ABCB7: variants seen among roughly 807,000 people sequenced by gnomAD.
The protein encoded by ABCB7 is ATP binding cassette subfamily B member 7.
Under a neutral mutation model 54.4 loss-of-function variants are expected in ABCB7, and 7 were observed. The ratio of observed to expected loss-of-function variants is 0.13; its 90% confidence interval spans 0.07 to 0.24. ABCB7 has a LOEUF of 0.24. Among genes scored for constraint, ABCB7 ranks in the 10% least tolerant of loss-of-function variants. ABCB7 has a pLI of 1.00. For missense variants in ABCB7, 356 were observed against 570.4 expected, an observed-to-expected ratio of 0.62 and a Z score of 3.83; for synonymous variants, 218 against 207.1, an observed-to-expected ratio of 1.05 and a Z score of -0.45.
chrX:75,119,780 G>C (rs910353337), intron 1 of ABCB7, among the ~76,000 whole-genome samples: 2 of 111,583 alleles, frequency 1.8e-5, no homozygotes, highest in Admixed American at 9.6e-5. Context: ...GTTATTAATA[G>C]TTACAATTAT....
Position 75,069,322 on chromosome X carries a change from T to C in ABCB7, c.1498A>G (p.Lys500Glu). 1 of 1,211,678 alleles carries C rather than the reference T, an allele frequency of 8.3e-7. No homozygotes were observed. The highest frequency in any genetic ancestry group is 1.1e-6 in the Non-Finnish European group (1 of 895,503). The change falls in exon 11 of 16, where the codon AAA becomes GAA. Residue 500 changes from lysine (K) to glutamate (E), a missense_variant. Lys to Glu is a moderately conservative substitution (Grantham distance 56). Transcript: ENST00000373394. ...CCACTACCTCCTACAATGGCCACTT[T>C]CTTTCCTGCAGGGACTTCAAAGGAT... The part of the protein sequence containing the change: ...GISFEVPAGK[K>E]VAIVGGSGSG...
At chrX:75,083,729 A>T (rs866908566) in intron 4 of ABCB7, among the ~76,000 whole-genome samples, 51 of 104,198 alleles carry the variant, frequency 4.9e-4, no homozygotes, top group Non-Finnish European at 8.5e-4. Flanking sequence ...TATATATATA[A>T]AATATAAAAA....
intron 1 of ABCB7, among the ~76,000 whole-genome samples, chrX:75,125,316 C>T (rs1257846630): frequency 9.0e-6 from 1 of 111,604 alleles, no homozygotes; most frequent in Non-Finnish European, 1.9e-5. Context: ...TGATATAACA[C>T]AAACCCAACT....
chrX:75,072,959 T>C (rs1482899514), intron 8 of ABCB7, among the ~76,000 whole-genome samples: 4 of 109,602 alleles, frequency 3.6e-5, no homozygotes, highest in African/African-American at 1.0e-4. Flanking sequence ...AACTTTTTTG[T>C]TAAAAACTAA....
chrX:75,106,054 A>G (rs1602376886), intron 3 of ABCB7, among the ~76,000 whole-genome samples: 1 of 112,078 alleles, frequency 8.9e-6, no homozygotes, highest in South Asian at 3.7e-4. Context: ...TGGCCTAGGT[A>G]AAGAATTTAT....
intron 4 of ABCB7, among the ~76,000 whole-genome samples, chrX:75,094,386 G>A (rs1035773861): frequency 4.5e-5 from 5 of 111,274 alleles, no homozygotes; most frequent in African/African-American, 1.6e-4. Flanking sequence ...CTTAAATCCT[G>A]GCATGGTTGT....
At chrX:75,067,885 C>T (rs765733680) in intron 12 of ABCB7, among the ~76,000 whole-genome samples, 7 of 111,136 alleles carry the variant, frequency 6.3e-5, no homozygotes, top group Non-Finnish European at 1.1e-4. Flanking sequence ...CATAGTCCTC[C>T]AAAATCGTAA....
chrX:75,106,648 C>T (rs2081704854), intron 3 of ABCB7, among the ~76,000 whole-genome samples: 1 of 111,786 alleles, frequency 8.9e-6, no homozygotes, highest in Admixed American at 9.5e-5. Context: ...TCCTGGGTAT[C>T]TTCCTAAAGG....
intron 4 of ABCB7, chrX:75,097,659 G>A (rs2081603337): frequency 2.7e-5 from 3 of 111,215 alleles, no homozygotes. Flanking sequence ...GGTAAGAACT[G>A]GGTTCTAAAA....
intron 4 of ABCB7, among the ~76,000 whole-genome samples, chrX:75,091,464 T>TA (rs760170583): frequency 1.8e-5 from 2 of 110,956 alleles, no homozygotes; most frequent in African/African-American, 3.3e-5. Flanking sequence ...CAAACACCTA[T>TA]AAAAAACCTT....
At chrX:75,124,433 A>G (rs1271318037) in intron 1 of ABCB7, among the ~76,000 whole-genome samples, 1 of 112,121 alleles carries the variant, frequency 8.9e-6, no homozygotes, top group Non-Finnish European at 1.9e-5. Context: ...TTCATTTATC[A>G]TAACATTTTT....
chrX:75,088,876 A>G (rs2081522668), intron 4 of ABCB7, among the ~76,000 whole-genome samples: 1 of 106,683 alleles, frequency 9.4e-6, no homozygotes, highest in African/African-American at 3.3e-5. Flanking sequence ...CAACAACAAC[A>G]AAAAAAAAAC....
At position 75,091,291 on chromosome X, in the gene ABCB7, T is replaced by G. The variant is rs2081541881; in HGVS notation, c.453+7651A>C. On this transcript the variant is annotated intron_variant, in intron 4 of 15. Coordinates refer to ENST00000373394, the MANE Select transcript of ABCB7 (RefSeq NM_001271696.3). ...ATTTATTCTGGGTATGGAAAGCTGGTTCAACATTTGAAAATCAGTTAATGT... is the reference window on the plus strand; with the variant it reads ...ATTTATTCTGGGTATGGAAAGCTGGGTCAACATTTGAAAATCAGTTAATGT... Among the ~76,000 whole-genome samples the G allele has an allele frequency of 3.6e-5, 4 of 111,075 alleles. No homozygotes were observed. In the Admixed American group the frequency reaches 3.8e-4, roughly 11 times the overall value.
intron 1 of ABCB7, among the ~76,000 whole-genome samples, chrX:75,138,446 T>C (rs754318713): frequency 5.2e-4 from 58 of 112,235 alleles, no homozygotes; most frequent in Non-Finnish European, 9.2e-4. Flanking sequence ...TAAAATTTTT[T>C]TCTTTTTAAT....
At chrX:75,145,844 T>C (rs1467946460) in intron 1 of ABCB7, among the ~76,000 whole-genome samples, 1 of 111,516 alleles carries the variant, frequency 9.0e-6, no homozygotes, top group Non-Finnish European at 1.9e-5. Context: ...AACTCCATAG[T>C]GTCAGCCCAA....
chrX:75,133,858 A>G (rs1212504807), intron 1 of ABCB7, among the ~76,000 whole-genome samples: 1 of 112,180 alleles, frequency 8.9e-6, no homozygotes, highest in Non-Finnish European at 1.9e-5. Flanking sequence ...ACAAAAGACC[A>G]TTACCAAAAA....
At chrX:75,100,065 T>C (rs1324564606) in intron 3 of ABCB7, among the ~76,000 whole-genome samples, 3 of 111,079 alleles carry the variant, frequency 2.7e-5, no homozygotes, top group Non-Finnish European at 5.7e-5. Context: ...ATAATTCTAC[T>C]TCTGGGAATT....
rs754223901 is a variant in ABCB7, at chrX:75,119,655, TGTC to T, written c.169-4827_169-4825del. The stretch of plus-strand genomic sequence containing the variant: ...AGTATAAAAATCATACAGGAAGCAC[TGTC>T]AAATATGAAATGGTATTTGGCTTTC... On this transcript the variant is annotated intron_variant, in intron 1 of 15. Coordinates refer to ENST00000373394, the MANE Select transcript of ABCB7 (RefSeq NM_001271696.3). 2.1e-3 allele frequency among the ~76,000 whole-genome samples: 239 copies of T among 112,154 alleles called. 1 individual carries two copies. Among genetic ancestry groups the T allele is most frequent in the Non-Finnish European group, 3.8e-3 (202 of 53,242 alleles).
intron 1 of ABCB7, among the ~76,000 whole-genome samples, chrX:75,150,925 G>A (rs1334217504): frequency 9.0e-6 from 1 of 110,863 alleles, no homozygotes; most frequent in African/African-American, 3.3e-5. Flanking sequence ...CCAGTGACAA[G>A]TGCTCTTTAT....
Sources: allele counts gnomAD v4.1 joint callset (sites outside exome capture counted in the v4.1 genomes callset), GRCh38; gene constraint gnomAD v4.1.1; transcripts MANE v1.5; gene names NCBI Gene and HGNC (gene_info 2026-07-23, HGNC 2026-07-21).